The following NEDD9 variants were observed in gnomAD, a reference collection of about 807,000 sequenced individuals.
The protein encoded by NEDD9 is neural precursor cell expressed, developmentally down-regulated 9.
A neutral mutation model predicts 76.6 loss-of-function variants in NEDD9; 26 were observed. The observed-to-expected ratio is 0.34, with a 90% CI of 0.25 to 0.47. The LOEUF is 0.47. Ranked by LOEUF, NEDD9 falls within the 20% of genes least tolerant of loss-of-function variation. The pLI, the probability that NEDD9 is intolerant of heterozygous loss-of-function variation, is 1.00. For synonymous variants in NEDD9, 392 were observed against 414.2 expected (o/e 0.95, Z 0.65); for missense variants, 937 against 1,058.5 (o/e 0.89, Z 1.59).
chr6:11,351,342 G>A (rs545680400), intron 1 of NEDD9, among the ~76,000 whole-genome samples: 1 of 152,296 alleles, frequency 6.6e-6, no homozygotes, highest in Admixed American at 6.5e-5. Flanking sequence ...TGGAACAGTA[G>A]GATGGACCAG....
At chr6:11,323,878 G>A (rs6903357) in intron 2 of NEDD9, among the ~76,000 whole-genome samples, 11,371 of 152,266 alleles carry the variant, frequency 0.075, 1,044 homozygotes, top group African/African-American at 0.22. Context: ...CATTCTTAAC[G>A]ATGATAAATC....
chr6:11,199,093 CAT>C (rs1324541165), intron 2 of NEDD9: 1 of 152,178 alleles, frequency 6.6e-6, no homozygotes, highest in Non-Finnish European at 1.5e-5. Context: ...AAGCCAGAAA[CAT>C]GTGGGGGAGT....
At chr6:11,305,242 G>T in intron 3 of NEDD9, 1 of 790,902 alleles carries the variant, frequency 1.3e-6, no homozygotes, top group Non-Finnish European at 1.8e-6. Flanking sequence ...TACTCTATGT[G>T]CATTTTCTCA....
intron 1 of NEDD9, among the ~76,000 whole-genome samples, chr6:11,350,811 T>C (rs927534695): frequency 6.6e-6 from 1 of 152,024 alleles, no homozygotes; most frequent in Non-Finnish European, 1.5e-5. Context: ...GATGCCCTGA[T>C]ACACATAGCG....
At chr6:11,312,745 CTGAG>C (rs1761412715) in intron 2 of NEDD9, among the ~76,000 whole-genome samples, 1 of 149,446 alleles carries the variant, frequency 6.7e-6, no homozygotes, top group Non-Finnish European at 1.5e-5. Flanking sequence ...AAGATTCATA[CTGAG>C]TATTTGCAGG....
chr6:11,292,180 T>G (rs1370122153), intron 3 of NEDD9, among the ~76,000 whole-genome samples: 1 of 152,158 alleles, frequency 6.6e-6, no homozygotes, highest in African/African-American at 2.4e-5. Flanking sequence ...TATTTTAGAA[T>G]AAGTGAGGCC....
intron 3 of NEDD9, among the ~76,000 whole-genome samples, chr6:11,267,246 A>G (rs1057033571): frequency 1.3e-5 from 2 of 152,212 alleles, no homozygotes; most frequent in African/African-American, 4.8e-5. Context: ...CTTTCAAGAA[A>G]ACAAAACCTG....
Position 11,257,291 on chromosome 6 carries a change from A to G in NEDD9, c.13-43564T>C, listed in dbSNP as rs143451237. 1.4e-4 allele frequency among the ~76,000 whole-genome samples: 22 copies of G among 152,324 alleles called. No homozygotes were observed. The East Asian group carries it at 4.1e-3, about 28-fold the overall frequency. ...GATGCCAGTAGCACCCACCACCTTC[A>G]GTTTTGACAGCCAAAAATATCTCTA... On this transcript the variant is annotated intron_variant, in intron 3 of 3. Coordinates refer to the NEDD9 transcript ENST00000397378.
At chr6:11,344,014 G>C (rs118129179) in intron 1 of NEDD9, among the ~76,000 whole-genome samples, 2 of 152,166 alleles carry the variant, frequency 1.3e-5, no homozygotes, top group East Asian at 3.8e-4. Context: ...TTAGGATAAG[G>C]GGGAGAGAAG....
rs1475030757 is a variant in NEDD9, at chr6:11,311,489, G to T, written c.-152-5334C>A. The stretch of plus-strand genomic sequence containing the variant: ...TAAGCCCTGCAGTCTGTGGTGCTTT[G>T]TGACAGCATCCCTGGGAAACTGCAT... On this transcript the variant is annotated intron_variant, in intron 2 of 3. Coordinates refer to the NEDD9 transcript ENST00000397378. 3.3e-5 allele frequency among the ~76,000 whole-genome samples: 5 copies of T among 152,194 alleles called. No homozygotes were observed. In the East Asian group the frequency reaches 9.6e-4, roughly 29 times the overall value.
At chr6:11,298,637 G>T (rs1760961296) in intron 3 of NEDD9, among the ~76,000 whole-genome samples, 3 of 152,198 alleles carry the variant, frequency 2.0e-5, no homozygotes, top group Admixed American at 2.0e-4. Flanking sequence ...TAAAAAATGA[G>T]AAGAGAGACA....
At chr6:11,308,695 T>C (rs1761273478) in intron 2 of NEDD9, among the ~76,000 whole-genome samples, 2 of 152,130 alleles carry the variant, frequency 1.3e-5, no homozygotes, top group Admixed American at 1.3e-4. Flanking sequence ...AACAGCTTGT[T>C]AGTTTAATTT....
At chr6:11,246,041 A>T (rs1374896228) in intron 3 of NEDD9, among the ~76,000 whole-genome samples, 2 of 152,104 alleles carry the variant, frequency 1.3e-5, no homozygotes. Flanking sequence ...CAGTGCAGAC[A>T]GTATTTTTTT....
rs535212418 is a variant in NEDD9 at position 11,257,531 on chromosome 6, G to A, written c.13-43804C>T. 1.2e-4 allele frequency among the ~76,000 whole-genome samples: 18 copies of A among 152,298 alleles called. No individual in the cohort carries two copies. The South Asian group carries it at 3.3e-3, about 28-fold the overall frequency. On this transcript the variant is annotated intron_variant, in intron 3 of 3. Coordinates refer to the NEDD9 transcript ENST00000397378. ...GCCCCCCAAATAGACCATGTGTTCT[G>A]ACTTTGCTTCTTTTTGTCAGTGTTC... is the stretch of plus-strand genomic sequence containing the variant.
chr6:11,189,189 C>T (rs1011027826), intron 5 of NEDD9, among the ~76,000 whole-genome samples: 3 of 152,204 alleles, frequency 2.0e-5, no homozygotes, highest in Non-Finnish European at 2.9e-5. Context: ...TTGTGATCCA[C>T]CTGCTTCAGC....
At chr6:11,240,630 G>C (rs1391682130) in intron 3 of NEDD9, among the ~76,000 whole-genome samples, 5 of 152,150 alleles carry the variant, frequency 3.3e-5, no homozygotes, top group Non-Finnish European at 5.9e-5. Context: ...TATAACTTTG[G>C]AATACTTAAT....
At position 11,185,061 on chromosome 6, in the gene NEDD9, TA is replaced by T. The variant is rs1376531473; in HGVS notation, c.*100del. ...AATGTTAAAATATTTCATTTTTATA[TA>T]AAATATCTACAAAAATAGATAACAT... On this transcript the variant is annotated 3_prime_UTR_variant, in exon 7 of 7. Coordinates refer to ENST00000379446, the MANE Select transcript of NEDD9 (RefSeq NM_006403.4). The T allele has an allele frequency of 6.8e-6, 9 of 1,323,644 alleles. No individual in the cohort carries two copies. The highest frequency in any genetic ancestry group is 9.1e-6 in the Non-Finnish European group (9 of 987,562). The allele number at this position is 1,323,644 out of a possible 1,614,324, so 82.0% of individuals were successfully genotyped here.
In NEDD9 at chr6:11,183,488, A is replaced by T. The variant is rs1438357922; in HGVS notation, c.*1674T>A. ...GAAATCTACAAAGACACACTTTTTAACTTCAAGCGTTGTTGATTTTCAGCA... is the reference window on the plus strand; with the variant it reads ...GAAATCTACAAAGACACACTTTTTATCTTCAAGCGTTGTTGATTTTCAGCA... On this transcript the variant is annotated 3_prime_UTR_variant, in exon 7 of 7. Transcript: ENST00000379446. 6.6e-6 allele frequency: 1 copy of T among 152,220 alleles called. No individual in the cohort carries two copies. The highest frequency in any genetic ancestry group is 1.5e-5 in the Non-Finnish European group (1 of 68,024). The allele number at this position is 152,220 out of a possible 1,614,324, so 9.4% of individuals were successfully genotyped here.
intron 1 of NEDD9, among the ~76,000 whole-genome samples, chr6:11,351,434 T>C (rs1164099402): frequency 3.9e-5 from 6 of 152,070 alleles, no homozygotes; most frequent in African/African-American, 1.4e-4. Context: ...AAATTGGCAT[T>C]TGAGAAAACA....
Sources: gnomAD v4.1 joint callset for allele counts (sites outside exome capture counted in the v4.1 genomes callset) on GRCh38, gnomAD v4.1.1 for gene constraint, MANE v1.5 for transcripts, NCBI Gene and HGNC (gene_info 2026-07-23, HGNC 2026-07-21) for gene names.